ANGPTL5: variants seen among roughly 807,000 people sequenced by gnomAD.
ANGPTL5 encodes the protein angiopoietin-related protein 5.
ANGPTL5 carries 34 observed loss-of-function variants against 39.4 expected under a neutral mutation model. The observed-to-expected ratio is 0.86, with a 90% CI of 0.66 to 1.15. The LOEUF is 1.15. ANGPTL5 is among the 50% of genes most tolerant of loss of function. The probability of loss-of-function intolerance (pLI) is 0.00; values close to 1 mark genes in which losing one functional copy is unlikely to be tolerated. For synonymous variants in ANGPTL5, 146 were observed against 152.1 expected (o/e 0.96, Z 0.29); for missense variants, 467 against 457.5 (o/e 1.02, Z -0.19).
chr11:101,907,549 T>G (rs1475929788), intron 2 of ANGPTL5, among the ~76,000 whole-genome samples: 1 of 152,100 alleles, frequency 6.6e-6, no homozygotes, highest in Non-Finnish European at 1.5e-5. Flanking sequence ...ATCAGATATT[T>G]CATTGAAAAG....
At position 101,895,026 on chromosome 11, in the gene ANGPTL5, C is replaced by T. The variant is rs367960108; in HGVS notation, c.700G>A (p.Val234Ile). ...ATAAAACTGGTATTTTTCTGATTTA[C>T]TATATAAAAAATCTTTTTCAGTCCT... The part of the protein sequence containing the change: ...WLGLKKIFYI[V>I]NQKNTSFMLY... The change falls in exon 8 of 9, where the codon GTA (valine) becomes ATA (isoleucine). Residue 234 changes from valine to isoleucine, a missense_variant. By Grantham distance (29) the Val-to-Ile change is conservative. Coordinates refer to ENST00000334289, the MANE Select transcript of ANGPTL5 (RefSeq NM_178127.5). 3.1e-6 allele frequency: 5 copies of T among 1,604,892 alleles called. No homozygotes were observed. Among genetic ancestry groups the T allele is most frequent in the Non-Finnish European group, 4.3e-6 (5 of 1,175,726 alleles).
At chr11:101,911,283 C>G (rs569154366) in intron 1 of ANGPTL5, among the ~76,000 whole-genome samples, 1 of 151,702 alleles carries the variant, frequency 6.6e-6, no homozygotes, top group Non-Finnish European at 1.5e-5. Flanking sequence ...GCCACCACGC[C>G]CAGTTAATTT....
At chr11:101,915,446 G>A in intron 1 of ANGPTL5, 1 of 1,584,428 alleles carries the variant, frequency 6.3e-7, no homozygotes, top group Non-Finnish European at 8.6e-7. Context: ...CCAGGGTAGC[G>A]ATGTTGAAAA....
intron 3 of ANGPTL5, 44 bp downstream of exon 3, chr11:101,907,059 A>G (rs751550640): frequency 7.1e-7 from 1 of 1,412,944 alleles, no homozygotes; most frequent in South Asian, 1.3e-5. Flanking sequence ...CCTAAAAATA[A>G]TGAATCATAT....
At chr11:101,896,714 C>T (rs1335347600) in intron 7 of ANGPTL5, among the ~76,000 whole-genome samples, 3 of 152,188 alleles carry the variant, frequency 2.0e-5, no homozygotes, top group Non-Finnish European at 1.5e-5. Flanking sequence ...CATAGTATTC[C>T]ATGGTGTATA....
At chr11:101,908,565 G>A (rs1213836254) in intron 1 of ANGPTL5, among the ~76,000 whole-genome samples, 1 of 152,036 alleles carries the variant, frequency 6.6e-6, no homozygotes, top group Non-Finnish European at 1.5e-5. Flanking sequence ...GATCACCTGA[G>A]GTCAGGAGTT....
intron 7 of ANGPTL5, among the ~76,000 whole-genome samples, chr11:101,900,031 A>G (rs1366901841): frequency 1.3e-5 from 2 of 152,220 alleles, no homozygotes; most frequent in Admixed American, 1.3e-4. Context: ...ACAGACACAT[A>G]CCTCAATTCG....
chr11:101,908,492 C>T (rs1940035488), intron 1 of ANGPTL5, among the ~76,000 whole-genome samples: 1 of 152,066 alleles, frequency 6.6e-6, no homozygotes, highest in Non-Finnish European at 1.5e-5. Context: ...AATGCCAAAT[C>T]TCAACGCTGG....
intron 2 of ANGPTL5, 27 bp downstream of exon 2, chr11:101,907,787 C>T: frequency 6.9e-7 from 1 of 1,444,922 alleles, no homozygotes. Flanking sequence ...GCTTTCCTAG[C>T]TAATATAATA....
chr11:101,906,320 T>C (rs1939996533), intron 3 of ANGPTL5, among the ~76,000 whole-genome samples: 1 of 152,182 alleles, frequency 6.6e-6, no homozygotes, highest in Non-Finnish European at 1.5e-5. Flanking sequence ...CACATACATA[T>C]ACATACACAT....
intron 8 of ANGPTL5, among the ~76,000 whole-genome samples, chr11:101,893,281 A>T (rs1939735161): frequency 6.6e-6 from 1 of 152,228 alleles, no homozygotes; most frequent in African/African-American, 2.4e-5. Flanking sequence ...CAAGTCTTAT[A>T]ATCAGGAATA....
chr11:101,915,645 C>G (rs867537507), intron 1 of ANGPTL5, among the ~76,000 whole-genome samples: 1 of 152,186 alleles, frequency 6.6e-6, no homozygotes, highest in African/African-American at 2.4e-5. Context: ...TCCCATTCTT[C>G]AACTTTGTAA....
At position 101,907,112 on chromosome 11, in the gene ANGPTL5, A is replaced by C. The variant is rs1293099377; in HGVS notation, c.232T>G (p.Phe78Val). Reference sequence around the variant, plus strand: ...TATTTTTAATACTTACTACACATGAAATGTTTTTCTTCTCGTGTAATTTTA... The same window carrying C: ...TATTTTTAATACTTACTACACATGACATGTTTTTCTTCTCGTGTAATTTTA... Reference protein sequence around the residue: ...KTKITREEKHFMCRNLQNSIV... With the variant: ...KTKITREEKHVMCRNLQNSIV... Residue 78 changes from phenylalanine to valine, a missense_variant, in exon 3 of 9, where the codon TTC becomes GTC. Physicochemically the swap from Phe to Val is conservative, Grantham distance 50 (BLOSUM62 -1). Coordinates refer to ENST00000334289, the MANE Select transcript of ANGPTL5 (RefSeq NM_178127.5). The C allele has an allele frequency of 3.8e-6, 6 of 1,576,774 alleles. No homozygotes were observed. Among genetic ancestry groups the C allele is most frequent in the Non-Finnish European group, 5.2e-6 (6 of 1,150,632 alleles).
chr11:101,903,333 TC>T (rs1279758097), intron 5 of ANGPTL5, among the ~76,000 whole-genome samples: 1 of 152,044 alleles, frequency 6.6e-6, no homozygotes, highest in Non-Finnish European at 1.5e-5. Flanking sequence ...AGCACTCATC[TC>T]CCCAGGATTG....
chr11:101,891,658 A>G, intron 8 of ANGPTL5, 60 bp from the exon 9 acceptor site: 1 of 1,477,974 alleles, frequency 6.8e-7, no homozygotes, highest in Non-Finnish European at 9.3e-7. Context: ...TTAATTAATC[A>G]TTACCAGCAT....
intron 5 of ANGPTL5, among the ~76,000 whole-genome samples, chr11:101,903,629 C>T (rs181225310): frequency 6.6e-5 from 10 of 152,266 alleles, no homozygotes; most frequent in Admixed American, 2.0e-4. Context: ...TTTTCCCCTT[C>T]GTCTCTGGGA....
At chr11:101,899,915 G>A (rs1340545258) in intron 7 of ANGPTL5, among the ~76,000 whole-genome samples, 1 of 152,186 alleles carries the variant, frequency 6.6e-6, no homozygotes, top group Non-Finnish European at 1.5e-5. Context: ...TGGCAATAAT[G>A]TAAACAGATT....
At chr11:101,904,209 T>C (rs1394656430) in intron 5 of ANGPTL5, among the ~76,000 whole-genome samples, 2 of 152,198 alleles carry the variant, frequency 1.3e-5, no homozygotes, top group Non-Finnish European at 2.9e-5. Flanking sequence ...TATTGTCTTC[T>C]TTTTCGAAGA....
chr11:101,909,028 C>T lies in ANGPTL5; in HGVS notation c.-92-1027G>A, dbSNP rs191662013. On this transcript the variant is annotated intron_variant, in intron 1 of 8. Transcript: ENST00000334289. ...ATTATTCTAAAATTAAGAGGCAAAG[C>T]AAAACTTTCCTGCATCTTCCTTCTG... Among the ~76,000 whole-genome samples, 6 of 152,088 alleles carry T rather than the reference C, an allele frequency of 3.9e-5. No individual in the cohort carries two copies. The East Asian group carries it at 1.2e-3, about 29-fold the overall frequency.
Sources: gnomAD v4.1 joint callset for allele counts (sites outside exome capture counted in the v4.1 genomes callset) on GRCh38, gnomAD v4.1.1 for gene constraint, MANE v1.5 for transcripts, NCBI Gene and HGNC (gene_info 2026-07-23, HGNC 2026-07-21) for gene names.